The following NRG3 variants were observed in gnomAD, a reference collection of about 807,000 sequenced individuals.
NRG3 encodes neuregulin 3.
In NRG3, 31 loss-of-function variants were observed where a neutral mutation model predicts 66.9. The ratio of observed to expected loss-of-function variants is 0.46; its 90% confidence interval spans 0.35 to 0.63. NRG3 has a LOEUF of 0.63. Among genes scored for constraint, NRG3 ranks in the 20% least tolerant of loss-of-function variants. The probability of loss-of-function intolerance (pLI) is 0.00; values close to 1 mark genes in which losing one functional copy is unlikely to be tolerated. For synonymous variants in NRG3, 393 were observed against 359.4 expected (o/e 1.09, Z -1.06); for missense variants, 910 against 878.9 (o/e 1.04, Z -0.45).
At chr10:82,659,860 T>C (rs562288146) in intron 2 of NRG3, among the ~76,000 whole-genome samples, 61 of 152,000 alleles carry the variant, frequency 4.0e-4, no homozygotes, top group Non-Finnish European at 7.8e-4. Context: ...GTAGCACTGG[T>C]CATATAAGAT....
chr10:82,373,213 A>C (rs971859820), intron 2 of NRG3, among the ~76,000 whole-genome samples: 21 of 152,368 alleles, frequency 1.4e-4, no homozygotes, highest in Admixed American at 9.8e-4. Context: ...CAGAGAAAGA[A>C]AGTTTGTAAG....
intron 1 of NRG3, among the ~76,000 whole-genome samples, chr10:82,124,259 G>A (rs1004733153): frequency 6.6e-6 from 1 of 151,868 alleles, no homozygotes; most frequent in Non-Finnish European, 1.5e-5. Context: ...ACCATCTTTG[G>A]CAGGTAACTT....
At chr10:82,462,132 AAAAT>A (rs578150018) in intron 2 of NRG3, among the ~76,000 whole-genome samples, 2 of 152,022 alleles carry the variant, frequency 1.3e-5, no homozygotes, top group African/African-American at 2.4e-5. Flanking sequence ...ACTCCATCTC[AAAAT>A]AAATAAATAA....
intron 1 of NRG3, among the ~76,000 whole-genome samples, chr10:82,333,786 A>G (rs1201260428): frequency 6.6e-6 from 1 of 152,038 alleles, no homozygotes; most frequent in East Asian, 1.9e-4. Flanking sequence ...CTCTTTTCTC[A>G]TGGAAAAATG....
At chr10:82,843,072 C>G (rs1006338004) in intron 3 of NRG3, among the ~76,000 whole-genome samples, 2 of 152,116 alleles carry the variant, frequency 1.3e-5, no homozygotes, top group African/African-American at 4.8e-5. Flanking sequence ...CCATAATTGA[C>G]TATAGATAAC....
intron 2 of NRG3, among the ~76,000 whole-genome samples, chr10:82,636,253 G>C (rs1432801481): frequency 6.6e-6 from 1 of 152,014 alleles, no homozygotes; most frequent in African/African-American, 2.4e-5. Flanking sequence ...GTGTGTGTGT[G>C]TGTGTGTAAA....
intron 1 of NRG3, among the ~76,000 whole-genome samples, chr10:82,256,725 ATAT>A (rs2077747495): frequency 6.6e-6 from 1 of 152,210 alleles, no homozygotes; most frequent in South Asian, 2.1e-4. Context: ...CAAAATAAGG[ATAT>A]TCTCCAGATT....
In NRG3 at chr10:81,938,647, A is replaced by G. The variant is rs199879420; in HGVS notation, c.823+62484A>G. ...TGTGTGTGTGTGTGTGTGTGCATGC[A>G]TGCATGCATGCAAAAATTTTAAGGT... On this transcript the variant is annotated intron_variant, in intron 1 of 8. Coordinates refer to ENST00000372141, the MANE Select transcript of NRG3 (RefSeq NM_001010848.4). 8.4e-3 allele frequency among the ~76,000 whole-genome samples: 951 copies of G among 113,136 alleles called. 14 individuals are homozygous for G. The highest frequency in any genetic ancestry group is 0.038 in the African/African-American group (908 of 23,806). The allele number at this position is 113,136 out of a possible 152,430, so 74.2% of individuals were successfully genotyped here. A position where few individuals can be genotyped will look rare whatever the true frequency, so the allele number is the denominator to read the frequency against.
At chr10:82,797,605 C>T (rs184946339) in intron 3 of NRG3, among the ~76,000 whole-genome samples, 1 of 152,266 alleles carries the variant, frequency 6.6e-6, no homozygotes, top group Non-Finnish European at 1.5e-5. Context: ...TCCTTGTTTG[C>T]TCATGTCTGC....
At chr10:81,944,959 C>T (rs577770855) in intron 1 of NRG3, among the ~76,000 whole-genome samples, 3 of 152,168 alleles carry the variant, frequency 2.0e-5, no homozygotes, top group African/African-American at 7.2e-5. Flanking sequence ...CAGCACCAAC[C>T]ATAGTTCCAT....
Position 82,381,403 on chromosome 10 carries a change from A to G in NRG3, c.953+22535A>G, listed in dbSNP as rs181949370. Reference sequence around the variant, plus strand: ...TCTGAATGCTTATTTAATCCTTATAAAAATCCTTTAAGATAAACATAGCTA... The same window carrying G: ...TCTGAATGCTTATTTAATCCTTATAGAAATCCTTTAAGATAAACATAGCTA... On this transcript the variant is annotated intron_variant, in intron 2 of 8. Coordinates refer to ENST00000372141, the MANE Select transcript of NRG3 (RefSeq NM_001010848.4). 6.6e-5 allele frequency among the ~76,000 whole-genome samples: 10 copies of G among 152,260 alleles called. No individual in the cohort carries two copies. In the East Asian group the frequency reaches 1.9e-3, roughly 29 times the overall value.
At chr10:82,681,398 A>G (rs558706908) in intron 2 of NRG3, among the ~76,000 whole-genome samples, 23 of 152,362 alleles carry the variant, frequency 1.5e-4, no homozygotes, top group African/African-American at 4.6e-4. Context: ...GAGATTCTCA[A>G]TAAATATTAG....
chr10:82,774,821 C>CTTTTTTTTTTTTTTTTT (rs992021420), intron 3 of NRG3, among the ~76,000 whole-genome samples: 18 of 77,988 alleles, frequency 2.3e-4, no homozygotes, highest in Non-Finnish European at 2.6e-4. Context: ...TTTCTTTTTT[C>CTTTTTTTTTTTTTTTTT]TTTTTTTTTT....
intron 1 of NRG3, among the ~76,000 whole-genome samples, chr10:81,937,844 CT>C (rs1385513953): frequency 6.6e-6 from 1 of 152,092 alleles, no homozygotes; most frequent in Non-Finnish European, 1.5e-5. Context: ...AGCTTCTCCC[CT>C]GATTCATCCA....
At position 82,986,871 on chromosome 10, in the gene NRG3, C is replaced by T. The variant is rs576449479; in HGVS notation, c.*1266C>T. ...GTCTGCTATGTGTGGACCAAGGCTT[C>T]GGCTTCTGTGGTTAGTATGGGAAGA... On this transcript the variant is annotated 3_prime_UTR_variant, in exon 9 of 9. Coordinates refer to ENST00000372141, the MANE Select transcript of NRG3 (RefSeq NM_001010848.4). 23 of 152,266 alleles carry T rather than the reference C, an allele frequency of 1.5e-4. No individual in the cohort carries two copies. Among genetic ancestry groups the T allele is most frequent in the South Asian group, 4.1e-4 (2 of 4,824 alleles). 9.4% of individuals were successfully genotyped at this position (152,266 alleles called of 1,614,324 possible).
chr10:82,201,065 C>G (rs2074785985), intron 1 of NRG3, among the ~76,000 whole-genome samples: 1 of 151,848 alleles, frequency 6.6e-6, no homozygotes, highest in African/African-American at 2.4e-5. Context: ...GGTGTGGTGA[C>G]AGGCGCCTGT....
chr10:82,596,792 T>G (rs1022796092), intron 2 of NRG3, among the ~76,000 whole-genome samples: 11 of 152,180 alleles, frequency 7.2e-5, no homozygotes, highest in Non-Finnish European at 1.3e-4. Context: ...ATGGCTTGCT[T>G]TGAGAAGTCT....
rs186346674 is a variant in NRG3, at chr10:82,341,528, T to C, written c.824-17211T>C. ...ATGCTGACTTCTAAAGTTTCTCTTA[T>C]CCCAAGGTTGTTGGTTTGAATTGTT... is the stretch of plus-strand genomic sequence containing the variant. On this transcript the variant is annotated intron_variant, in intron 1 of 8. Transcript: ENST00000372141. 1.3e-3 allele frequency among the ~76,000 whole-genome samples: 191 copies of C among 152,244 alleles called. 1 individual carries two copies. Among genetic ancestry groups the C allele is most frequent in the African/African-American group, 4.5e-3 (185 of 41,564 alleles).
chr10:82,746,684 C>T (rs2058659458), intron 3 of NRG3, among the ~76,000 whole-genome samples: 1 of 152,136 alleles, frequency 6.6e-6, no homozygotes, highest in African/African-American at 2.4e-5. Context: ...GGTGTTTTGT[C>T]TCACACTTCA....
Sources: allele counts gnomAD v4.1 joint callset (sites outside exome capture counted in the v4.1 genomes callset), GRCh38; gene constraint gnomAD v4.1.1; transcripts MANE v1.5; gene names NCBI Gene and HGNC (gene_info 2026-07-23, HGNC 2026-07-21).